SEC24A: variants seen among roughly 807,000 people sequenced by gnomAD.
The protein encoded by SEC24A is SEC24 homolog A, COPII component.
A neutral mutation model predicts 129.4 loss-of-function variants in SEC24A; 93 were observed. The ratio of observed to expected loss-of-function variants is 0.72; its 90% CI spans 0.61 to 0.85. The LOEUF (loss-of-function observed/expected upper bound fraction) is 0.85. Ranked by LOEUF, SEC24A falls within the 40% of genes least tolerant of loss-of-function variation. The pLI, the probability that SEC24A is intolerant of heterozygous loss-of-function variation, is 0.00. For missense variants in SEC24A, 1,264 were observed against 1,307.4 expected (o/e 0.97, Z 0.51); for synonymous variants, 460 against 467.3 (o/e 0.98, Z 0.20).
At chr5:134,655,204 G>T (rs1750198165) in intron 1 of SEC24A, among the ~76,000 whole-genome samples, 1 of 152,110 alleles carries the variant, frequency 6.6e-6, no homozygotes, top group South Asian at 2.1e-4. Flanking sequence ...ATTTTACAAA[G>T]GTGGGACCTG....
chr5:134,716,576 T>A (rs1752482250), intron 19 of SEC24A, among the ~76,000 whole-genome samples: 1 of 151,076 alleles, frequency 6.6e-6, no homozygotes, highest in Admixed American at 6.6e-5. Flanking sequence ...GGCAAGTGGA[T>A]CACCTGAGGT....
chr5:134,718,303 C>T (rs1281277378), intron 20 of SEC24A, 130 bp downstream of exon 20: 4 of 603,746 alleles, frequency 6.6e-6, no homozygotes, highest in Non-Finnish European at 9.0e-6. Context: ...TACAGTCGTA[C>T]ACTGATTAAT....
chr5:134,668,546 C>G (rs374036843), intron 3 of SEC24A, among the ~76,000 whole-genome samples: 1 of 152,086 alleles, frequency 6.6e-6, no homozygotes, highest in African/African-American at 2.4e-5. Flanking sequence ...GCCAGCATGG[C>G]GAAACCCTGT....
At chr5:134,691,943 T>TA (rs113496663) in intron 11 of SEC24A, among the ~76,000 whole-genome samples, 10,554 of 137,570 alleles carry the variant, frequency 0.077, 448 homozygotes, top group Non-Finnish European at 0.11. Context: ...GCCAGCCATT[T>TA]AAAAAAAAAA....
intron 5 of SEC24A, 96 bp downstream of exon 5, chr5:134,674,871 A>G (rs1359704246): frequency 2.4e-5 from 29 of 1,202,138 alleles, no homozygotes; most frequent in Non-Finnish European, 2.3e-5. Context: ...ATACATTTTT[A>G]TAACCATTTA....
At chr5:134,689,936 A>G (rs1185255035) in intron 11 of SEC24A, among the ~76,000 whole-genome samples, 1 of 151,770 alleles carries the variant, frequency 6.6e-6, no homozygotes, top group East Asian at 1.9e-4. Context: ...TACCTAGAAT[A>G]GGCAAATTCA....
intron 9 of SEC24A, among the ~76,000 whole-genome samples, chr5:134,686,069 C>G (rs1477808763): frequency 2.0e-5 from 3 of 152,108 alleles, no homozygotes; most frequent in African/African-American, 7.2e-5. Context: ...CTGAAGCTAA[C>G]TTGTAACTTT....
At chr5:134,662,401 G>A (rs755340687) in intron 2 of SEC24A, among the ~76,000 whole-genome samples, 7 of 152,076 alleles carry the variant, frequency 4.6e-5, no homozygotes, top group Non-Finnish European at 1.0e-4. Context: ...TGATCCGCCC[G>A]CCTTGACCTC....
At chr5:134,691,741 T>TC (rs1169054092) in intron 11 of SEC24A, among the ~76,000 whole-genome samples, 1 of 152,090 alleles carries the variant, frequency 6.6e-6, no homozygotes. Context: ...CGCGTCGGCC[T>TC]CCCAAAGTAC....
chr5:134,653,334 C>T (rs1171171261), intron 1 of SEC24A, among the ~76,000 whole-genome samples: 8 of 152,138 alleles, frequency 5.3e-5, no homozygotes, highest in East Asian at 1.9e-4. Flanking sequence ...ACTGCAGCCT[C>T]GAACCTCCTG....
chr5:134,695,820 G>A (rs928941820), intron 13 of SEC24A, among the ~76,000 whole-genome samples: 7 of 151,508 alleles, frequency 4.6e-5, no homozygotes, highest in African/African-American at 1.5e-4. Context: ...TGGGGGTGGC[G>A]GTGTGCACCT....
At chr5:134,693,275 G>A (rs1580719351) in intron 12 of SEC24A, 7 of 1,416,668 alleles carry the variant, frequency 4.9e-6, no homozygotes, top group South Asian at 1.6e-5. Context: ...AACCTAACCT[G>A]TAAAGGTAGT....
At chr5:134,679,145 C>T (rs1751173711) in intron 7 of SEC24A, among the ~76,000 whole-genome samples, 1 of 152,022 alleles carries the variant, frequency 6.6e-6, no homozygotes, top group African/African-American at 2.4e-5. Flanking sequence ...TGCAGTGGCT[C>T]AGTCATGGCT....
At chr5:134,680,592 C>G (rs899658396) in intron 8 of SEC24A, among the ~76,000 whole-genome samples, 1 of 152,070 alleles carries the variant, frequency 6.6e-6, no homozygotes, top group Non-Finnish European at 1.5e-5. Context: ...CTCAGGCTCC[C>G]AAAGTGCTGG....
intron 8 of SEC24A, among the ~76,000 whole-genome samples, chr5:134,680,328 G>GTTTTGT (rs781510563): frequency 4.7e-4 from 72 of 152,144 alleles, no homozygotes; most frequent in Non-Finnish European, 9.3e-4. Context: ...GAATATAAGA[G>GTTTTGT]TTTTGTTTTT....
At chr5:134,690,475 A>G (rs1435500750) in intron 11 of SEC24A, among the ~76,000 whole-genome samples, 1 of 152,182 alleles carries the variant, frequency 6.6e-6, no homozygotes, top group East Asian at 1.9e-4. Context: ...TACCACGCCC[A>G]GCTAATTTTT....
chr5:134,705,090 A>ATATATATATATAT (rs1180461537), intron 16 of SEC24A, among the ~76,000 whole-genome samples: 6 of 123,308 alleles, frequency 4.9e-5, no homozygotes, highest in Admixed American at 3.4e-4. Context: ...ATATATATAT[A>ATATATATATATAT]TTTTTTTTTT....
chr5:134,664,303 A>G (rs910619664), intron 2 of SEC24A, among the ~76,000 whole-genome samples: 3 of 152,116 alleles, frequency 2.0e-5, no homozygotes, highest in Non-Finnish European at 2.9e-5. Context: ...AGCTGTGAGT[A>G]TTTAGGTTAT....
intron 22 of SEC24A, 106 bp downstream of exon 22, chr5:134,723,776 C>T (rs1752686853): frequency 1.5e-6 from 1 of 668,216 alleles, no homozygotes. Flanking sequence ...GAGTTCTTCT[C>T]AATAAATAGC....
Sources: allele counts gnomAD v4.1 joint callset (sites outside exome capture counted in the v4.1 genomes callset), GRCh38; gene constraint gnomAD v4.1.1; transcripts MANE v1.5; gene names NCBI Gene and HGNC (gene_info 2026-07-23, HGNC 2026-07-21).